The following SORBS3 variants were observed in gnomAD, a reference collection of about 807,000 sequenced individuals.
SORBS3 encodes vinexin.
A neutral mutation model predicts 98.0 loss-of-function variants in SORBS3; 69 were observed. The ratio of observed to expected loss-of-function variants is 0.70; its 90% confidence interval spans 0.58 to 0.86. The LOEUF (loss-of-function observed/expected upper bound fraction) is 0.86, where lower values mean the gene tolerates loss of function less well. SORBS3 is among the 40% of genes least tolerant of loss of function. The probability of loss-of-function intolerance (pLI) is 0.00; values close to 1 mark genes in which losing one functional copy is unlikely to be tolerated. For synonymous variants in SORBS3, 394 were observed against 355.4 expected, an observed-to-expected ratio of 1.11 and a Z score of -1.22; for missense variants, 954 against 908.5, an observed-to-expected ratio of 1.05 and a Z score of -0.64.
chr8:22,554,807 T>TACCAACCAACC lies in SORBS3; in HGVS notation c.103-56_103-55insACCAACCAACC. ...GGGTGTGGGCTGTGCCTAGTAGCCA[T>TACCAACCAACC]CCCTCCCTCCCGCCCTGCTGGGCCC... On this transcript the variant is annotated intron_variant, in intron 2 of 20. Transcript: ENST00000240123. This position sits in a 1 kb window ranked among gnomAD's most constrained non-coding sequence, Gnocchi z 6.5. 1 of 1,428,602 alleles carries TACCAACCAACC rather than the reference T, an allele frequency of 7.0e-7. No individual in the cohort carries two copies. Among genetic ancestry groups the TACCAACCAACC allele is most frequent in the Non-Finnish European group, 9.8e-7 (1 of 1,020,746 alleles). The allele number at this position is 1,428,602 out of a possible 1,614,324, so 88.5% of individuals were successfully genotyped here. A position where few individuals can be genotyped will look rare whatever the true frequency, so the allele number is the denominator to read the frequency against.
chr8:22,573,496 A>G (rs957453909), intron 20 of SORBS3: 2 of 445,234 alleles, frequency 4.5e-6, no homozygotes, highest in Non-Finnish European at 9.0e-6. Context: ...CCAGTTCCTC[A>G]GTTGCACAGG....
Position 22,571,043 on chromosome 8 carries a change from A to T in SORBS3, c.1565A>T (p.Asp522Val), listed in dbSNP as rs1447410443. 1 of 1,613,296 alleles carries T rather than the reference A, an allele frequency of 6.2e-7. No homozygotes were observed. Among genetic ancestry groups the T allele is most frequent in the African/African-American group, 1.3e-5 (1 of 74,942 alleles). Residue 522 changes from aspartate to valine, a missense_variant, in exon 18 of 21, where the codon GAC becomes GTC. Physicochemically the swap from Asp to Val is radical, Grantham distance 152. Coordinates refer to ENST00000240123, the MANE Select transcript of SORBS3 (RefSeq NM_005775.5). ...VSREPRLRLC[D>V]DGPQLPTSPR... ...CGTGAACCCCGGCTCCGGCTCTGTG[A>T]CGACGGCCCCCAGCTCCCCACGTCT... is the stretch of plus-strand genomic sequence containing the variant.
In SORBS3 at chr8:22,574,888, C is replaced by T. The variant is rs746335735; in HGVS notation, c.*160C>T. The T allele has an allele frequency of 2.8e-5, 20 of 718,350 alleles. No individual in the cohort carries two copies. The highest frequency in any genetic ancestry group is 2.8e-5 in the Non-Finnish European group (11 of 399,478). 44.5% of individuals were successfully genotyped at this position (718,350 alleles called of 1,614,324 possible). A position where few individuals can be genotyped will look rare whatever the true frequency, so the allele number is the denominator to read the frequency against. On this transcript the variant is annotated 3_prime_UTR_variant, in exon 21 of 21. Transcript: ENST00000240123. ...CCTTTCCCTCGGACCCCCCTCGAAG[C>T]CCCCTGGACTGATTCCCACCCACGA...
In SORBS3 at chr8:22,561,920, A is replaced by G. The variant is rs1840304099; in HGVS notation, c.573A>G (p.Thr191=). The part of the protein sequence containing the change: ...QRPAHRPGPA[T]SSSGRSWDHS... ...CTGCCCACAGGCCCGGCCCGGCAACATCTTCCAGTGGGTGAGCACAGTGGG... is the reference window on the plus strand; with the variant it reads ...CTGCCCACAGGCCCGGCCCGGCAACGTCTTCCAGTGGGTGAGCACAGTGGG... Residue 191 remains threonine (T), a synonymous_variant, in exon 7 of 21, where the codon ACA becomes ACG. Coordinates refer to ENST00000240123, the MANE Select transcript of SORBS3 (RefSeq NM_005775.5). 1.2e-6 allele frequency: 2 copies of G among 1,613,832 alleles called. No individual in the cohort carries two copies. Among genetic ancestry groups the G allele is most frequent in the Non-Finnish European group, 8.5e-7 (1 of 1,179,952 alleles).
In SORBS3 at chr8:22,566,341, G is replaced by A; in HGVS notation, c.951-4G>A. 1 of 1,612,768 alleles carries A rather than the reference G, an allele frequency of 6.2e-7. No individual in the cohort carries two copies. The highest frequency in any genetic ancestry group is 1.1e-5 in the South Asian group (1 of 90,996). ...TGGAGGCTCAGTCTCTGTGCCCCGTGCAGCCCGGCCTCAGCCTGGAGCTCC... is the reference window on the plus strand; with the variant it reads ...TGGAGGCTCAGTCTCTGTGCCCCGTACAGCCCGGCCTCAGCCTGGAGCTCC... On this transcript the variant is annotated splice_region_variant and splice_polypyrimidine_tract_variant and intron_variant, in intron 12 of 20. Coordinates refer to ENST00000240123, the MANE Select transcript of SORBS3 (RefSeq NM_005775.5).
chr8:22,566,944 G>T, intron 15 of SORBS3, 76 bp downstream of exon 15: 2 of 1,559,430 alleles, frequency 1.3e-6, no homozygotes, highest in Non-Finnish European at 1.8e-6. Flanking sequence ...GAGGGGGACT[G>T]GGCTGCAGTG....
chr8:22,571,073 G>T lies in SORBS3; in HGVS notation c.1595G>T (p.Arg532Leu), dbSNP rs529882850. Residue 532 changes from arginine (R) to leucine (L), a missense_variant, in exon 18 of 21, where the codon CGC becomes CTC. Coordinates refer to ENST00000240123, the MANE Select transcript of SORBS3 (RefSeq NM_005775.5). ...DDGPQLPTSPRLTAAARSARH... is the reference protein window; with the variant it reads ...DDGPQLPTSPLLTAAARSARH... ...GGCCCCCAGCTCCCCACGTCTCCCC[G>T]CCTGACCGCTGCCGCCCGCTCAGCC... 2.1e-5 allele frequency: 34 copies of T among 1,611,670 alleles called. 1 individual carries two copies. The South Asian group carries it at 3.2e-4, about 15-fold the overall frequency.
At chr8:22,553,434 C>A (rs1267565406) in intron 1 of SORBS3, among the ~76,000 whole-genome samples, 1 of 152,220 alleles carries the variant, frequency 6.6e-6, no homozygotes. Flanking sequence ...GGGATGGACG[C>A]CGTAGCACCG....
Position 22,567,057 on chromosome 8 carries a change from G to T in SORBS3, c.1191-4G>T, listed in dbSNP as rs762649424. 9 of 1,611,410 alleles carry T rather than the reference G, an allele frequency of 5.6e-6. No homozygotes were observed. In the South Asian group the frequency reaches 7.7e-5, roughly 14 times the overall value. On this transcript the variant is annotated splice_polypyrimidine_tract_variant and splice_region_variant and intron_variant, in intron 15 of 20. Transcript: ENST00000240123. The stretch of plus-strand genomic sequence containing the variant: ...TACCCTGCGGTCCTCGTCCCCACCT[G>T]CAGGGAGCTGACTCTGCAGAAGGGT...
rs1330022265 is a variant in SORBS3, at chr8:22,565,860, G to A, written c.938G>A (p.Arg313Gln). ...GCGCCCCGACGGGCCCCGGAGCAGCGGCCCCCGGCCGGGTGAGTGGGAGAC... is the reference window on the plus strand; with the variant it reads ...GCGCCCCGACGGGCCCCGGAGCAGCAGCCCCCGGCCGGGTGAGTGGGAGAC... ...SPAPRRAPEQ[R>Q]PPAGPASAWS... The change falls in exon 12 of 21, where the codon CGG becomes CAG. Residue 313 changes from arginine (R) to glutamine (Q), a missense_variant. Transcript: ENST00000240123. 2 of 1,272,440 alleles carry A rather than the reference G, an allele frequency of 1.6e-6. No homozygotes were observed. The highest frequency in any genetic ancestry group is 4.1e-5 in the Admixed American group (1 of 24,486). The allele number at this position is 1,272,440 out of a possible 1,614,324, so 78.8% of individuals were successfully genotyped here.
chr8:22,566,938 G>C, intron 15 of SORBS3, 70 bp downstream of exon 15: 17 of 1,578,368 alleles, frequency 1.1e-5, no homozygotes, highest in Middle Eastern at 2.1e-4. Context: ...GATGGGGAGG[G>C]GGACTGGGCT....
Position 22,564,502 on chromosome 8 carries a change from A to AG in SORBS3, c.798dup (p.Pro267AlafsTer6). ...CCGCTGGTGGACGACCCTGGTGAGA[A>AG]GCCCTCCCAGCCCATTGAGGTGAGT... On this transcript the variant is annotated frameshift_variant, in exon 10 of 21. Coordinates refer to ENST00000240123, the MANE Select transcript of SORBS3 (RefSeq NM_005775.5). LOFTEE classifies it high-confidence loss of function. 1 of 1,614,070 alleles carries AG rather than the reference A, an allele frequency of 6.2e-7. No individual in the cohort carries two copies. Among genetic ancestry groups the AG allele is most frequent in the Non-Finnish European group, 8.5e-7 (1 of 1,180,010 alleles).
upstream of SORBS3, among the ~76,000 whole-genome samples, chr8:22,549,441 C>G (rs1840050780): frequency 6.6e-6 from 1 of 152,214 alleles, no homozygotes; most frequent in African/African-American, 2.4e-5. Flanking sequence ...GTTCCTGGCT[C>G]AATCTCCAAA....
Position 22,564,093 on chromosome 8 carries a change from T to C in SORBS3, c.675+16T>C. The C allele has an allele frequency of 1.2e-6, 2 of 1,610,632 alleles. No individual in the cohort carries two copies. Among genetic ancestry groups the C allele is most frequent in the South Asian group, 1.1e-5 (1 of 91,032 alleles). ...CTCAAATCAGGTAGCCCACCCAGCA[T>C]AGTCCCTGGTCAGCCCCAGCTGTAT... On this transcript the variant is annotated intron_variant, in intron 8 of 20. Transcript: ENST00000240123.
chr8:22,563,036 A>T (rs2941199), intron 7 of SORBS3, among the ~76,000 whole-genome samples: 94,926 of 151,818 alleles, frequency 0.63, 30,727 homozygotes, highest in South Asian at 0.73. Context: ...GGAGAATGGC[A>T]TGAACCCAGG....
At chr8:22,553,946 G>T (rs543886438) in intron 1 of SORBS3, among the ~76,000 whole-genome samples, 2 of 152,232 alleles carry the variant, frequency 1.3e-5, no homozygotes, top group Non-Finnish European at 2.9e-5. Context: ...AGGCCCTGCT[G>T]ACTGCTTCCT....
chr8:22,560,562 T>A (rs1036415707), intron 5 of SORBS3, among the ~76,000 whole-genome samples: 9 of 152,118 alleles, frequency 5.9e-5, no homozygotes, highest in African/African-American at 1.7e-4. Context: ...GCTGATGGGT[T>A]GAGTAAGATG....
upstream of SORBS3, chr8:22,549,835 A>T: frequency 3.7e-6 from 1 of 270,342 alleles, no homozygotes; most frequent in Non-Finnish European, 5.7e-6. Flanking sequence ...TCCCTTTGTG[A>T]GAAACAGGAA....
intron 19 of SORBS3, 83 bp from the exon 20 acceptor site, chr8:22,572,257 C>A (rs1377859065): frequency 1.8e-6 from 2 of 1,118,006 alleles, no homozygotes; most frequent in South Asian, 1.3e-5. Flanking sequence ...ATGAAGGGAC[C>A]CTGGGGCATT....
Sources: gnomAD v4.1 joint callset for allele counts (sites outside exome capture counted in the v4.1 genomes callset) on GRCh38, gnomAD v4.1.1 for gene constraint, Gnocchi (gnomAD v3.1) non-coding constraint, MANE v1.5 for transcripts, NCBI Gene and HGNC (gene_info 2026-07-23, HGNC 2026-07-21) for gene names.